Variants in FBXO47 observed in about 807,000 individuals in gnomAD.
The protein encoded by FBXO47 is F-box protein 47.
A neutral mutation model predicts 53.9 loss-of-function variants in FBXO47; 34 were observed. The ratio of observed to expected loss-of-function variants is 0.63; its 90% CI spans 0.48 to 0.84. The LOEUF (loss-of-function observed/expected upper bound fraction) is 0.84, where lower values mean the gene tolerates loss of function less well. Ranked by LOEUF, FBXO47 falls within the 40% of genes least tolerant of loss-of-function variation. The pLI is 0.00. For missense variants in FBXO47, 485 were observed against 541.3 expected, an observed-to-expected ratio of 0.90 and a Z score of 1.03; for synonymous variants, 165 against 181.6, an observed-to-expected ratio of 0.91 and a Z score of 0.73.
intron 6 of FBXO47, among the ~76,000 whole-genome samples, chr17:38,950,597 G>A (rs571756276): frequency 4.0e-3 from 608 of 151,486 alleles, no homozygotes; most frequent in Non-Finnish European, 7.0e-3. Flanking sequence ...ACTGCCCTCT[G>A]CCTGCAATGA....
intron 1 of FBXO47, among the ~76,000 whole-genome samples, chr17:38,966,374 G>A (rs1414672105): frequency 2.0e-5 from 3 of 152,058 alleles, no homozygotes; most frequent in Non-Finnish European, 4.4e-5. Context: ...GCTAATTTCT[G>A]TATTTTTAGT....
At chr17:38,951,128 G>A (rs1237681444) in intron 6 of FBXO47, among the ~76,000 whole-genome samples, 1 of 152,084 alleles carries the variant, frequency 6.6e-6, no homozygotes, top group East Asian at 1.9e-4. Context: ...CTGGCCTCAA[G>A]GATCTTTCTG....
In FBXO47 at chr17:38,951,569, A is replaced by G; in HGVS notation, c.616+12T>C. The G allele has an allele frequency of 1.3e-6, 2 of 1,563,624 alleles. No homozygotes were observed. Among genetic ancestry groups the G allele is most frequent in the Non-Finnish European group, 1.8e-6 (2 of 1,139,286 alleles). ...AATCTCTGTATATTATATGCAAATT[A>G]TAGTTTTTTACCTGGTTTGCTGCAG... On this transcript the variant is annotated intron_variant, in intron 6 of 10. Transcript: ENST00000378079.
Position 38,945,002 on chromosome 17 carries a change from T to C in FBXO47, c.751A>G (p.Arg251Gly). The part of the protein sequence containing the change: ...LKPWPMVNQA[R>G]LLYIIFGPIS... ...GGCCCAAAGATGATATACAGTAATCTTGCCTGATTCACCATTGGCCATGGT... is the reference window on the plus strand; with the variant it reads ...GGCCCAAAGATGATATACAGTAATCCTGCCTGATTCACCATTGGCCATGGT... The change falls in exon 7 of 11, where the codon AGA becomes GGA. Residue 251 changes from arginine to glycine, a missense_variant. Transcript: ENST00000378079. 6.2e-7 allele frequency: 1 copy of C among 1,614,092 alleles called. No individual in the cohort carries two copies.
chr17:38,940,200 C>G (rs965050384), intron 9 of FBXO47, among the ~76,000 whole-genome samples: 1 of 151,790 alleles, frequency 6.6e-6, no homozygotes, highest in Non-Finnish European at 1.5e-5. Flanking sequence ...ATGACCTACT[C>G]CACACATACA....
At chr17:38,944,751 G>A (rs1904668031) in intron 7 of FBXO47, among the ~76,000 whole-genome samples, 2 of 150,888 alleles carry the variant, frequency 1.3e-5, no homozygotes, top group South Asian at 2.1e-4. Context: ...CGCACCTGCA[G>A]TCCCAGCTAC....
chr17:38,939,392 T>C lies in FBXO47; in HGVS notation c.1084-660A>G, dbSNP rs561293418. On this transcript the variant is annotated intron_variant, in intron 9 of 10. Coordinates refer to ENST00000378079, the MANE Select transcript of FBXO47 (RefSeq NM_001008777.3). ...CATAGAAAAAAAATTTCTGCTCATT[T>C]ACTCATTCAATAAACATTTATTGAG... 3.2e-4 allele frequency among the ~76,000 whole-genome samples: 47 copies of C among 145,016 alleles called. 1 individual carries two copies. Among genetic ancestry groups the C allele is most frequent in the African/African-American group, 1.1e-3 (44 of 39,238 alleles).
intron 1 of FBXO47, among the ~76,000 whole-genome samples, chr17:38,964,410 A>C (rs141815350): frequency 6.6e-6 from 1 of 152,198 alleles, no homozygotes; most frequent in African/African-American, 2.4e-5. Flanking sequence ...AGCCTGGCCA[A>C]CATAGCGAAA....
At chr17:38,956,678 T>C (rs1187965102) in intron 4 of FBXO47, among the ~76,000 whole-genome samples, 2 of 151,478 alleles carry the variant, frequency 1.3e-5, no homozygotes, top group Non-Finnish European at 2.9e-5. Context: ...GTTGGACATA[T>C]GCTTGGATTT....
rs542751300 is a variant in FBXO47 at position 38,960,911 on chromosome 17, T to C, written c.352+966A>G. On this transcript the variant is annotated intron_variant, in intron 3 of 10. Coordinates refer to ENST00000378079, the MANE Select transcript of FBXO47 (RefSeq NM_001008777.3). ...CCTCTCAAAGTGCTGAGATTACAGG[T>C]GTGAACCACCGCAGCCAGCCGAAAA... Among the ~76,000 whole-genome samples the C allele has an allele frequency of 3.3e-5, 5 of 152,116 alleles. No homozygotes were observed. The East Asian group carries it at 9.7e-4, about 29-fold the overall frequency.
chr17:38,950,437 GC>G (rs1168145936), intron 6 of FBXO47, among the ~76,000 whole-genome samples: 3 of 149,640 alleles, frequency 2.0e-5, no homozygotes, highest in Non-Finnish European at 4.4e-5. Flanking sequence ...AGGCTGGAGT[GC>G]AGTGACTGGA....
In FBXO47 at chr17:38,962,867, C is replaced by A; in HGVS notation, c.159G>T (p.Gln53His). 1 of 1,611,220 alleles carries A rather than the reference C, an allele frequency of 6.2e-7. No individual in the cohort carries two copies. The highest frequency in any genetic ancestry group is 8.5e-7 in the Non-Finnish European group (1 of 1,178,578). Residue 53 changes from glutamine (Q) to histidine (H), a missense_variant, in exon 2 of 11, where the codon CAG becomes CAT. Coordinates refer to ENST00000378079, the MANE Select transcript of FBXO47 (RefSeq NM_001008777.3). ...NFKALPLEIF[Q>H]IILKYLSVKD... ...CACCTGACAAATATTTTAAAATTAT[C>A]TGGAATATTTCCAATGGTAAGGCTT... is the stretch of plus-strand genomic sequence containing the variant.
At chr17:38,944,822 G>T in intron 7 of FBXO47, 138 bp downstream of exon 7, 2 of 586,836 alleles carry the variant, frequency 3.4e-6, no homozygotes, top group Non-Finnish European at 2.7e-6. Context: ...AGTGAGCCAT[G>T]ATCGCACCAC....
At chr17:38,959,579 C>CA (rs749435702) in intron 3 of FBXO47, among the ~76,000 whole-genome samples, 1,689 of 27,486 alleles carry the variant, frequency 0.061, 166 homozygotes, top group East Asian at 0.16. Flanking sequence ...GACTCTGCCT[C>CA]AAAAAAAAAA....
intron 2 of FBXO47, 130 bp downstream of exon 2, chr17:38,962,715 T>A: frequency 2.1e-6 from 1 of 468,152 alleles, no homozygotes; most frequent in Non-Finnish European, 3.5e-6. Flanking sequence ...CTTTAGAAAA[T>A]AAACACTTAA....
Position 38,953,326 on chromosome 17 carries a change from GA to G in FBXO47, c.507+1529del, listed in dbSNP as rs1330341632. ...AGAGCAAGACTCCGTCTCAAAAAAA[GA>G]AAAAAAAATTAATCTGGCCAGTCGT... On this transcript the variant is annotated intron_variant, in intron 5 of 10. Coordinates refer to ENST00000378079, the MANE Select transcript of FBXO47 (RefSeq NM_001008777.3). Among the ~76,000 whole-genome samples, 8 of 144,478 alleles carry G rather than the reference GA, an allele frequency of 5.5e-5. No individual in the cohort carries two copies. The East Asian group carries it at 1.3e-3, about 23-fold the overall frequency. The allele number at this position is 144,478 out of a possible 152,430, so 94.8% of individuals were successfully genotyped here. A position where few individuals can be genotyped will look rare whatever the true frequency, so the allele number is the denominator to read the frequency against.
Position 38,951,650 on chromosome 17 carries a change from C to T in FBXO47, c.547G>A (p.Val183Ile), listed in dbSNP as rs78686509. The T allele has an allele frequency of 1.8e-4, 287 of 1,613,950 alleles. 1 individual carries two copies. In the East Asian group the frequency reaches 6.1e-3, roughly 34 times the overall value. Residue 183 changes from valine to isoleucine, a missense_variant, in exon 6 of 11, where the codon GTT becomes ATT. Val to Ile is a conservative substitution (Grantham distance 29). Transcript: ENST00000378079. Reference sequence around the variant, plus strand: ...GTCAGTTCGCATAAGAAATTATAAACGCGATGGCACTCAAGTTCATCCCAA... The same window carrying T: ...GTCAGTTCGCATAAGAAATTATAAATGCGATGGCACTCAAGTTCATCCCAA... ...AGWDELECHR[V>I]YNFLCELTNL...
intron 6 of FBXO47, among the ~76,000 whole-genome samples, chr17:38,950,267 T>C (rs1405915082): frequency 1.3e-5 from 2 of 151,966 alleles, no homozygotes; most frequent in Admixed American, 6.6e-5. Flanking sequence ...AGTAGAATCA[T>C]GTAATATTTG....
intron 8 of FBXO47, 116 bp downstream of exon 8, chr17:38,943,474 T>A (rs986306132): frequency 1.7e-6 from 1 of 597,802 alleles, no homozygotes; most frequent in African/African-American, 1.9e-5. Context: ...TTTTAGAGCA[T>A]TCAGTGATTT....
Sources: allele counts gnomAD v4.1 joint callset (sites outside exome capture counted in the v4.1 genomes callset), GRCh38; gene constraint gnomAD v4.1.1; transcripts MANE v1.5; gene names NCBI Gene and HGNC (gene_info 2026-07-23, HGNC 2026-07-21).